The following CEMIP variants were observed in gnomAD, a reference collection of about 807,000 sequenced individuals.
CEMIP encodes the protein cell migration inducing hyaluronidase 1, also known as cell migration-inducing and hyaluronan-binding protein.
In CEMIP, 105 loss-of-function variants were observed where a neutral mutation model predicts 156.9. The observed-to-expected ratio is 0.67, with a 90% confidence interval of 0.57 to 0.79. The LOEUF (loss-of-function observed/expected upper bound fraction) is 0.79, where lower values mean the gene tolerates loss of function less well. Ranked by LOEUF, CEMIP falls within the 30% of genes least tolerant of loss-of-function variation. The pLI is 0.00. For missense variants in CEMIP, 1,457 were observed against 1,769.4 expected, an observed-to-expected ratio of 0.82 and a Z score of 3.17; for synonymous variants, 676 against 668.4, an observed-to-expected ratio of 1.01 and a Z score of -0.17.
At position 80,941,921 on chromosome 15, in the gene CEMIP, G is replaced by A. The variant is rs1901352066; in HGVS notation, c.3480G>A (p.Glu1160=). 1 of 1,613,984 alleles carries A rather than the reference G, an allele frequency of 6.2e-7. No homozygotes were observed. Among genetic ancestry groups the A allele is most frequent in the Non-Finnish European group, 8.5e-7 (1 of 1,180,036 alleles). The change falls in exon 26 of 30, where the codon GAG becomes GAA. Residue 1160 remains glutamate (E), a synonymous_variant. Transcript: ENST00000394685. The part of the protein sequence containing the change: ...KFAFCSMKGC[E]RIKIKALIPK... The stretch of plus-strand genomic sequence containing the variant: ...CTTTCTGCTCCATGAAAGGCTGTGA[G>A]AGGATAAAGATTAAAGCTCTGATTC...
intron 1 of CEMIP, among the ~76,000 whole-genome samples, chr15:80,796,559 G>A (rs758120548): frequency 4.6e-5 from 7 of 152,208 alleles, no homozygotes; most frequent in Non-Finnish European, 8.8e-5. Context: ...CCACTTATGT[G>A]TGTGATAAGC....
At chr15:80,917,345 C>T (rs1486484051) in intron 14 of CEMIP, among the ~76,000 whole-genome samples, 2 of 152,056 alleles carry the variant, frequency 1.3e-5, no homozygotes, top group Admixed American at 6.5e-5. Flanking sequence ...ATCACAGCTG[C>T]AGAATGAGGT....
intron 10 of CEMIP, among the ~76,000 whole-genome samples, chr15:80,892,985 G>A (rs754221573): frequency 3.9e-5 from 6 of 152,068 alleles, no homozygotes; most frequent in Admixed American, 1.3e-4. Flanking sequence ...TTAGGAGTTC[G>A]AGACCAGCCT....
chr15:80,806,044 T>C (rs899926448), intron 1 of CEMIP, among the ~76,000 whole-genome samples: 4 of 152,246 alleles, frequency 2.6e-5, no homozygotes, highest in African/African-American at 9.6e-5. Context: ...TCTGTATTTA[T>C]GTACTGGTAA....
chr15:80,793,737 A>G (rs912064301), intron 1 of CEMIP, among the ~76,000 whole-genome samples: 11 of 152,308 alleles, frequency 7.2e-5, no homozygotes, highest in Admixed American at 5.2e-4. Context: ...TGCATAGTGT[A>G]TAGTATCTCC....
At chr15:80,903,996 G>C (rs138905850) in intron 12 of CEMIP, among the ~76,000 whole-genome samples, 7 of 152,330 alleles carry the variant, frequency 4.6e-5, no homozygotes, top group Non-Finnish European at 1.0e-4. Flanking sequence ...GGCTGCCCTG[G>C]AGGAGGGGGC....
chr15:80,922,645 G>A lies in CEMIP; in HGVS notation c.2202+508G>A, dbSNP rs78540254. ...GGTTGCTGCATCTGCACAGAGCTAAGTGGGCAGGTGGGACACAAAGTCCTC... is the reference window on the plus strand; with the variant it reads ...GGTTGCTGCATCTGCACAGAGCTAAATGGGCAGGTGGGACACAAAGTCCTC... On this transcript the variant is annotated intron_variant, in intron 17 of 29. Coordinates refer to ENST00000394685, the MANE Select transcript of CEMIP (RefSeq NM_001293298.2). Among the ~76,000 whole-genome samples, 1,026 of 152,358 alleles carry A rather than the reference G, an allele frequency of 6.7e-3. 5 individuals are homozygous for A. The highest frequency in any genetic ancestry group is 0.01 in the Middle Eastern group (3 of 294).
chr15:80,835,083 G>C (rs1453297691), intron 1 of CEMIP, among the ~76,000 whole-genome samples: 3 of 33,734 alleles, frequency 8.9e-5, no homozygotes, highest in South Asian at 1.3e-3. Context: ...CCTCATTGCA[G>C]AGAGAGAGAG....
At chr15:80,916,935 T>C (rs543327136) in intron 14 of CEMIP, among the ~76,000 whole-genome samples, 1 of 152,214 alleles carries the variant, frequency 6.6e-6, no homozygotes, top group East Asian at 1.9e-4. Context: ...CATTGTTGAG[T>C]ATTGATTGAC....
chr15:80,810,646 T>TGC (rs1896646989), intron 1 of CEMIP, among the ~76,000 whole-genome samples: 1 of 152,212 alleles, frequency 6.6e-6, no homozygotes, highest in Non-Finnish European at 1.5e-5. Flanking sequence ...TGAGCCACCA[T>TGC]GCCCGGCCTA....
intron 14 of CEMIP, among the ~76,000 whole-genome samples, chr15:80,910,636 AG>A (rs1900015209): frequency 6.6e-6 from 1 of 152,150 alleles, no homozygotes; most frequent in East Asian, 1.9e-4. Context: ...AGCCCAGTCT[AG>A]GGGGGCCTGG....
chr15:80,929,590 G>A lies in CEMIP; in HGVS notation c.2612+416G>A, dbSNP rs570759129. On this transcript the variant is annotated intron_variant, in intron 21 of 29. Transcript: ENST00000394685. ...AATAACCAGGAGGGTGACAAAAGCCGAAGCTATGTCACATGCAGGTTGGGG... is the reference window on the plus strand; with the variant it reads ...AATAACCAGGAGGGTGACAAAAGCCAAAGCTATGTCACATGCAGGTTGGGG... Among the ~76,000 whole-genome samples the A allele has an allele frequency of 2.6e-5, 4 of 152,296 alleles. No individual in the cohort carries two copies. In the South Asian group the frequency reaches 6.2e-4, roughly 24 times the overall value.
At chr15:80,852,819 C>T (rs1212355932) in intron 1 of CEMIP, among the ~76,000 whole-genome samples, 2 of 152,006 alleles carry the variant, frequency 1.3e-5, no homozygotes, top group Non-Finnish European at 1.5e-5. Context: ...GTCTGGAAGG[C>T]GTTTATTTGA....
intron 19 of CEMIP, among the ~76,000 whole-genome samples, chr15:80,926,582 G>A (rs1012011274): frequency 1.3e-5 from 2 of 151,126 alleles, no homozygotes; most frequent in African/African-American, 4.9e-5. Flanking sequence ...AGAGAGGGAA[G>A]GGAGAGAGAG....
intron 26 of CEMIP, 77 bp downstream of exon 26, chr15:80,942,130 C>A: frequency 6.6e-7 from 1 of 1,519,818 alleles, no homozygotes; most frequent in Non-Finnish European, 9.1e-7. Context: ...CAGTCGGGCC[C>A]AGACCCAATT....
At chr15:80,833,274 G>A (rs1897196518) in intron 1 of CEMIP, among the ~76,000 whole-genome samples, 1 of 151,996 alleles carries the variant, frequency 6.6e-6, no homozygotes, top group Non-Finnish European at 1.5e-5. Flanking sequence ...CTGTAGACAG[G>A]GCATGGGCCC....
intron 1 of CEMIP, among the ~76,000 whole-genome samples, chr15:80,862,507 C>A (rs1258500345): frequency 6.6e-6 from 1 of 152,202 alleles, no homozygotes; most frequent in Non-Finnish European, 1.5e-5. Context: ...GTTGAATGAA[C>A]CTCTCTGTCA....
At chr15:80,900,717 G>C in intron 12 of CEMIP, 1 of 321,274 alleles carries the variant, frequency 3.1e-6, no homozygotes, top group South Asian at 2.5e-5. Flanking sequence ...TTCTGGAGAG[G>C]CTCACATTCC....
chr15:80,917,978 A>G (rs1900333300), intron 14 of CEMIP, among the ~76,000 whole-genome samples: 1 of 152,202 alleles, frequency 6.6e-6, no homozygotes, highest in African/African-American at 2.4e-5. Flanking sequence ...GGCGGCTGTC[A>G]TATGAAAGAC....
Sources: gnomAD v4.1 joint callset for allele counts (sites outside exome capture counted in the v4.1 genomes callset) on GRCh38, gnomAD v4.1.1 for gene constraint, MANE v1.5 for transcripts, NCBI Gene and HGNC (gene_info 2026-07-23, HGNC 2026-07-21) for gene names.